The following HMCES variants were observed in gnomAD, a reference collection of about 807,000 sequenced individuals.
HMCES encodes abasic site processing protein HMCES.
A neutral mutation model predicts 35.1 loss-of-function variants in HMCES; 27 were observed. The ratio of observed to expected loss-of-function variants is 0.77; its 90% CI spans 0.57 to 1.06. The LOEUF is 1.06. Among genes scored for constraint, HMCES ranks in the 50% least tolerant of loss-of-function variants. The pLI is 0.00. For synonymous variants in HMCES, 130 were observed against 154.7 expected (o/e 0.84, Z 1.18); for missense variants, 391 against 430.4 (o/e 0.91, Z 0.81).
intron 5 of HMCES, among the ~76,000 whole-genome samples, chr3:129,301,030 C>T (rs77506243): frequency 8.4e-6 from 1 of 119,630 alleles, no homozygotes; most frequent in South Asian, 2.6e-4. Context: ...GACTCCATCT[C>T]AAAAAAAAAA....
chr3:129,304,743 G>A lies in HMCES; in HGVS notation c.983G>A (p.Arg328Lys), dbSNP rs2071214669. 1 of 1,614,232 alleles carries A rather than the reference G, an allele frequency of 6.2e-7. No individual in the cohort carries two copies. Among genetic ancestry groups the A allele is most frequent in the Non-Finnish European group, 8.5e-7 (1 of 1,180,050 alleles). Residue 328 changes from arginine (R) to lysine (K), a missense_variant, in exon 7 of 7, where the codon AGA becomes AAA. Arg to Lys is a conservative substitution (Grantham distance 26). Coordinates refer to ENST00000383463, the MANE Select transcript of HMCES (RefSeq NM_020187.3). ...CAGAAGAGTCCACTCCCCACCAAGAGAGGCACTGCAGGACTCCTAGAGCAA... is the reference window on the plus strand; with the variant it reads ...CAGAAGAGTCCACTCCCCACCAAGAAAGGCACTGCAGGACTCCTAGAGCAA... ...FLQKSPLPTK[R>K]GTAGLLEQWL...
intron 2 of HMCES, among the ~76,000 whole-genome samples, chr3:129,280,779 C>T (rs1407113129): frequency 1.3e-5 from 2 of 152,134 alleles, no homozygotes; most frequent in Non-Finnish European, 2.9e-5. Flanking sequence ...TTGGAATTAC[C>T]AGTCACTTAC....
At chr3:129,289,909 C>T (rs1276292361) in intron 3 of HMCES, among the ~76,000 whole-genome samples, 2 of 151,972 alleles carry the variant, frequency 1.3e-5, no homozygotes, top group Admixed American at 6.6e-5. Context: ...AGAGAGTGGC[C>T]GGGCACGGTG....
At chr3:129,281,926 C>CAAAA (rs553350109) in intron 2 of HMCES, among the ~76,000 whole-genome samples, 3 of 71,588 alleles carry the variant, frequency 4.2e-5, no homozygotes, top group African/African-American at 4.5e-5. Flanking sequence ...GACTCAGTCT[C>CAAAA]AAAAAAAAAA....
chr3:129,301,993 C>G lies in HMCES; in HGVS notation c.679C>G (p.Leu227Val). ...TGGAGAGGAGGCAGTTTCTAAATGG[C>G]TTGACTTTGGTGAAGTCTCAACTCA... The part of the protein sequence containing the change: ...LDGEEAVSKW[L>V]DFGEVSTQEA... Residue 227 changes from leucine (L) to valine (V), a missense_variant, in exon 6 of 7, where the codon CTT becomes GTT. By Grantham distance (32) the Leu-to-Val change is conservative (BLOSUM62 1). Transcript: ENST00000383463. The G allele has an allele frequency of 6.2e-7, 1 of 1,614,080 alleles. No homozygotes were observed. The highest frequency in any genetic ancestry group is 8.5e-7 in the Non-Finnish European group (1 of 1,179,976).
rs997297262 is a variant in HMCES, at chr3:129,305,840, G to C, written c.*1015G>C. ...CCAATCAGCGGGAAGCCTCGGCCCT[G>C]TAACTGCTAATGGGAGACAGCAGCG... is the stretch of plus-strand genomic sequence containing the variant. On this transcript the variant is annotated 3_prime_UTR_variant, in exon 7 of 7. Coordinates refer to ENST00000383463, the MANE Select transcript of HMCES (RefSeq NM_020187.3). The C allele has an allele frequency of 6.6e-6, 1 of 152,366 alleles. No homozygotes were observed. Among genetic ancestry groups the C allele is most frequent in the East Asian group, 1.9e-4 (1 of 5,202 alleles). 9.4% of individuals were successfully genotyped at this position (152,366 alleles called of 1,614,324 possible).
intron 4 of HMCES, among the ~76,000 whole-genome samples, chr3:129,293,561 CTTTTTTTTT>C: frequency 1.2e-5 from 1 of 86,714 alleles, no homozygotes; most frequent in East Asian, 3.3e-4. Flanking sequence ...TACATTAATT[CTTTTTTTTT>C]TTTTTTTTTT....
rs758745235 is a variant in HMCES, at chr3:129,301,994, T to G, written c.680T>G (p.Leu227Arg). Residue 227 changes from leucine (L) to arginine (R), a missense_variant, in exon 6 of 7, where the codon CTT (leucine) becomes CGT (arginine). Coordinates refer to ENST00000383463, the MANE Select transcript of HMCES (RefSeq NM_020187.3). Reference protein sequence around the residue: ...LDGEEAVSKWLDFGEVSTQEA... With the variant: ...LDGEEAVSKWRDFGEVSTQEA... ...GGAGAGGAGGCAGTTTCTAAATGGC[T>G]TGACTTTGGTGAAGTCTCAACTCAG... 3.7e-6 allele frequency: 6 copies of G among 1,614,134 alleles called. No homozygotes were observed. In the South Asian group the frequency reaches 6.6e-5, roughly 18 times the overall value.
intron 5 of HMCES, among the ~76,000 whole-genome samples, chr3:129,298,952 G>A (rs1396760370): frequency 6.6e-6 from 1 of 152,154 alleles, no homozygotes; most frequent in East Asian, 1.9e-4. Context: ...AGACCATCCT[G>A]GCTAACACGG....
rs1476250908 is a variant in HMCES, at chr3:129,304,789, G to C, written c.1029G>C (p.Glu343Asp). 1 of 1,614,188 alleles carries C rather than the reference G, an allele frequency of 6.2e-7. No homozygotes were observed. Among genetic ancestry groups the C allele is most frequent in the South Asian group, 1.1e-5 (1 of 91,072 alleles). Reference sequence around the variant, plus strand: ...AGCAATGGCTGAAGCGGGAGAAGGAGGAGGAACCTGTGGCCAAGCGTCCTT... The same window carrying C: ...AGCAATGGCTGAAGCGGGAGAAGGACGAGGAACCTGTGGCCAAGCGTCCTT... ...LLEQWLKREK[E>D]EEPVAKRPYS... The change falls in exon 7 of 7, where the codon GAG becomes GAC. Residue 343 changes from glutamate to aspartate, a missense_variant. Glu to Asp is a conservative substitution (Grantham distance 45). Transcript: ENST00000383463.
intron 6 of HMCES, among the ~76,000 whole-genome samples, chr3:129,304,259 C>G (rs532768132): frequency 2.0e-5 from 3 of 152,312 alleles, no homozygotes; most frequent in East Asian, 3.9e-4. Flanking sequence ...TCTCCAGTCT[C>G]GTTTTCCAAC....
At chr3:129,299,816 T>C (rs2071140186) in intron 5 of HMCES, among the ~76,000 whole-genome samples, 1 of 151,942 alleles carries the variant, frequency 6.6e-6, no homozygotes, top group Non-Finnish European at 1.5e-5. Context: ...CACGCCTGGC[T>C]AACAGGGTTT....
At position 129,279,970 on chromosome 3, in the gene HMCES, C is replaced by T; in HGVS notation, c.183+55C>T. The stretch of plus-strand genomic sequence containing the variant: ...CGCCCAGCCTCGTGATGGTCATCTC[C>T]TATTTGGTTTGGTGTGTGCTCAGCC... On this transcript the variant is annotated intron_variant, in intron 2 of 6. Coordinates refer to ENST00000383463, the MANE Select transcript of HMCES (RefSeq NM_020187.3). This position sits in a 1 kb window ranked among gnomAD's most constrained non-coding sequence, Gnocchi z 4.2. The T allele has an allele frequency of 6.9e-7, 1 of 1,450,820 alleles. No homozygotes were observed. The highest frequency in any genetic ancestry group is 9.2e-7 in the Non-Finnish European group (1 of 1,087,558). The allele number at this position is 1,450,820 out of a possible 1,614,324, so 89.9% of individuals were successfully genotyped here. A position where few individuals can be genotyped will look rare whatever the true frequency, so the allele number is the denominator to read the frequency against.
chr3:129,301,868 A>C, intron 5 of HMCES, 82 bp from the exon 6 acceptor site: 133 of 1,028,300 alleles, frequency 1.3e-4, no homozygotes, highest in Non-Finnish European at 1.8e-4. Context: ...TATTTGAGGT[A>C]TCAGCTGACT....
chr3:129,294,033 T>G (rs1029451599), intron 4 of HMCES, among the ~76,000 whole-genome samples: 26 of 152,332 alleles, frequency 1.7e-4, no homozygotes, highest in Non-Finnish European at 3.5e-4. Flanking sequence ...CATCAACTCT[T>G]TGTTCCTTTT....
intron 4 of HMCES, among the ~76,000 whole-genome samples, chr3:129,293,561 C>CT (rs60989412): frequency 0.046 from 3,948 of 86,764 alleles, 470 homozygotes; most frequent in Non-Finnish European, 0.069. Flanking sequence ...TACATTAATT[C>CT]TTTTTTTTTT....
intron 6 of HMCES, among the ~76,000 whole-genome samples, chr3:129,303,467 A>G (rs1347885142): frequency 6.6e-6 from 1 of 152,198 alleles, no homozygotes; most frequent in African/African-American, 2.4e-5. Flanking sequence ...AACTAATTCT[A>G]TATACAGGTT....
intron 4 of HMCES, among the ~76,000 whole-genome samples, chr3:129,293,257 G>T (rs942087786): frequency 1.5e-4 from 23 of 152,156 alleles, no homozygotes; most frequent in African/African-American, 5.1e-4. Context: ...AGTCAAGAGA[G>T]TTTGCCTCAC....
chr3:129,287,609 G>A (rs567507095), intron 2 of HMCES, among the ~76,000 whole-genome samples: 1 of 152,172 alleles, frequency 6.6e-6, no homozygotes, highest in Non-Finnish European at 1.5e-5. Context: ...ACACAGACTA[G>A]GCGGAATAAA....
Sources: gnomAD v4.1 joint callset for allele counts (sites outside exome capture counted in the v4.1 genomes callset) on GRCh38, gnomAD v4.1.1 for gene constraint, Gnocchi (gnomAD v3.1) non-coding constraint, MANE v1.5 for transcripts, NCBI Gene and HGNC (gene_info 2026-07-23, HGNC 2026-07-21) for gene names.